CACYBP: variants seen among roughly 807,000 people sequenced by gnomAD.
CACYBP encodes the protein calcyclin-binding protein.
A neutral mutation model predicts 29.6 loss-of-function variants in CACYBP; 11 were observed. The ratio of observed to expected loss-of-function variants is 0.37; its 90% confidence interval spans 0.23 to 0.61. CACYBP has a LOEUF of 0.61. Ranked by LOEUF, CACYBP falls within the 20% of genes least tolerant of loss-of-function variation. CACYBP has a pLI of 0.65. For missense variants in CACYBP, 163 were observed against 260.7 expected, an observed-to-expected ratio of 0.63 and a Z score of 2.58; for synonymous variants, 73 against 88.3, an observed-to-expected ratio of 0.83 and a Z score of 0.97.
chr1:175,008,529 G>T, intron 4 of CACYBP, 80 bp from the exon 5 acceptor site: 1 of 769,778 alleles, frequency 1.3e-6, no homozygotes, highest in South Asian at 1.6e-5. Context: ...TTGATCAATT[G>T]AATAGATAAT....
At chr1:175,003,113 A>C (rs1204228656) in intron 1 of CACYBP, among the ~76,000 whole-genome samples, 1 of 139,394 alleles carries the variant, frequency 7.2e-6, no homozygotes, top group Non-Finnish European at 1.5e-5. Flanking sequence ...GGTTGGGCAG[A>C]GTTGATTTTT....
At chr1:175,008,110 C>G (rs1351103038) in intron 4 of CACYBP, among the ~76,000 whole-genome samples, 2 of 152,168 alleles carry the variant, frequency 1.3e-5, no homozygotes, top group African/African-American at 4.8e-5. Flanking sequence ...TTCTTTCTCA[C>G]TTTCAAATGC....
rs1462572402 is a variant in CACYBP at position 175,011,096 on chromosome 1, C to CCTGT, written c.*1020_*1023dup. On this transcript the variant is annotated 3_prime_UTR_variant, in exon 6 of 6. Transcript: ENST00000367679. Reference sequence around the variant, plus strand: ...TGCAGCTTGGGTAACAGATTGAGAACCTGTCTCATTAAAAAAAAAAAAAAA... The same window carrying CCTGT: ...TGCAGCTTGGGTAACAGATTGAGAACCTGTCTGTCTCATTAAAAAAAAAAAAAAA... The CCTGT allele has an allele frequency of 3.1e-5, 4 of 129,048 alleles. No individual in the cohort carries two copies. The highest frequency in any genetic ancestry group is 2.5e-4 in the South Asian group (1 of 3,976). 8.0% of individuals were successfully genotyped at this position (129,048 alleles called of 1,614,324 possible). A position where few individuals can be genotyped will look rare whatever the true frequency, so the allele number is the denominator to read the frequency against.
intron 2 of CACYBP, among the ~76,000 whole-genome samples, chr1:175,006,000 A>ATTC (rs1259174830): frequency 2.0e-5 from 3 of 152,148 alleles, no homozygotes; most frequent in Non-Finnish European, 4.4e-5. Flanking sequence ...GCATGTTTCT[A>ATTC]TTCTATAGGA....
intron 4 of CACYBP, among the ~76,000 whole-genome samples, chr1:175,008,334 CT>C (rs1672667139): frequency 6.6e-6 from 1 of 152,062 alleles, no homozygotes; most frequent in Non-Finnish European, 1.5e-5. Flanking sequence ...TCAGAGAGGC[CT>C]TCCTAATGAA....
At chr1:175,003,118 A>ATTT (rs11288938) in intron 1 of CACYBP, among the ~76,000 whole-genome samples, 2 of 141,950 alleles carry the variant, frequency 1.4e-5, no homozygotes, top group Non-Finnish European at 3.1e-5. Context: ...GGCAGAGTTG[A>ATTT]TTTTTTTTTT....
intron 2 of CACYBP, 63 bp downstream of exon 2, chr1:175,004,896 A>G (rs1358979558): frequency 3.9e-6 from 4 of 1,033,828 alleles, no homozygotes; most frequent in African/African-American, 1.6e-5. Context: ...TAGTGGTCTA[A>G]CAAATTCATC....
rs913898531 is a variant in CACYBP, at chr1:174,999,992, G to C, written c.-189G>C. 1.3e-6 allele frequency: 1 copy of C among 784,986 alleles called. No individual in the cohort carries two copies. Among genetic ancestry groups the C allele is most frequent in the Non-Finnish European group, 2.0e-6 (1 of 501,250 alleles). 48.6% of individuals were successfully genotyped at this position (784,986 alleles called of 1,614,324 possible). On this transcript the variant is annotated 5_prime_UTR_variant, in exon 1 of 6. Coordinates refer to ENST00000367679, the MANE Select transcript of CACYBP (RefSeq NM_014412.3). ...GGTGGGCGGTGGCGGCGGCTGCCTCGCGAAGGTTCGAGATCCGTCGCGTGC... is the reference window on the plus strand; with the variant it reads ...GGTGGGCGGTGGCGGCGGCTGCCTCCCGAAGGTTCGAGATCCGTCGCGTGC...
intron 2 of CACYBP, chr1:175,005,110 G>A (rs968467162): frequency 7.6e-6 from 3 of 394,110 alleles, no homozygotes; most frequent in Non-Finnish European, 1.4e-5. Flanking sequence ...TTTGGTGGTG[G>A]TGGTGGTGGT....
At chr1:175,006,120 T>G (rs1300965131) in intron 2 of CACYBP, among the ~76,000 whole-genome samples, 1 of 152,172 alleles carries the variant, frequency 6.6e-6, no homozygotes, top group Non-Finnish European at 1.5e-5. Flanking sequence ...TTGTGAAGTA[T>G]TTATATATAT....
intron 4 of CACYBP, among the ~76,000 whole-genome samples, 191 bp downstream of exon 4, chr1:175,007,388 A>G (rs539829736): frequency 2.0e-5 from 3 of 152,336 alleles, no homozygotes; most frequent in African/African-American, 4.8e-5. Flanking sequence ...TTGTGCTACA[A>G]TGGCAGAGTT....
Position 175,001,331 on chromosome 1 carries a change from A to C in CACYBP, c.15+1136A>C, listed in dbSNP as rs542273219. ...TTGATTTTTGTTTTGTTTGAGATAA[A>C]ATTCAAGTTTTTAACCATTTTAAAG... On this transcript the variant is annotated intron_variant, in intron 1 of 5. Transcript: ENST00000367679. Among the ~76,000 whole-genome samples the C allele has an allele frequency of 2.0e-5, 3 of 152,350 alleles. No homozygotes were observed. The South Asian group carries it at 6.2e-4, about 32-fold the overall frequency.
chr1:175,005,865 G>C (rs931612096), intron 2 of CACYBP, among the ~76,000 whole-genome samples: 20 of 152,018 alleles, frequency 1.3e-4, no homozygotes, highest in Non-Finnish European at 1.5e-5. Context: ...GACCCCACTA[G>C]GGCATTTTTT....
In CACYBP at chr1:175,004,598, T is replaced by G. The variant is rs1411492229; in HGVS notation, c.16-16T>G. On this transcript the variant is annotated splice_polypyrimidine_tract_variant and intron_variant, in intron 1 of 5. Coordinates refer to ENST00000367679, the MANE Select transcript of CACYBP (RefSeq NM_014412.3). Reference sequence around the variant, plus strand: ...CCTTATTTATCATAGCTAACTTATTTTTTGTCTTAACACAGCTACAGAAAG... The same window carrying G: ...CCTTATTTATCATAGCTAACTTATTGTTTGTCTTAACACAGCTACAGAAAG... 6.6e-7 allele frequency: 1 copy of G among 1,519,262 alleles called. No homozygotes were observed. The highest frequency in any genetic ancestry group is 1.3e-5 in the South Asian group (1 of 79,872). The allele number at this position is 1,519,262 out of a possible 1,614,324, so 94.1% of individuals were successfully genotyped here.
In CACYBP at chr1:175,006,741, C is replaced by G. The variant is rs1306700724; in HGVS notation, c.236-4C>G. 1 of 1,547,166 alleles carries G rather than the reference C, an allele frequency of 6.5e-7. No homozygotes were observed. The highest frequency in any genetic ancestry group is 1.4e-5 in the African/African-American group (1 of 73,358). On this transcript the variant is annotated splice_region_variant and splice_polypyrimidine_tract_variant and intron_variant, in intron 2 of 5. Transcript: ENST00000367679. ...TACGTCCCATCTTTTGTTGTCGTTG[C>G]CAGGATGGGATCAGTCAGATAAGTT...
intron 2 of CACYBP, chr1:175,005,155 C>T: frequency 3.0e-6 from 1 of 337,088 alleles, no homozygotes; most frequent in Non-Finnish European, 5.7e-6. Flanking sequence ...TTTCACTCTG[C>T]CAACCACCAC....
At chr1:175,008,928 G>A (rs1039456854) in intron 5 of CACYBP, 3 of 452,420 alleles carry the variant, frequency 6.6e-6, no homozygotes, top group Non-Finnish European at 1.2e-5. Flanking sequence ...ACAAATAACT[G>A]TGCCCATTCC....
Position 175,008,699 on chromosome 1 carries a change from GAA to G in CACYBP, c.527_528del (p.Lys176ArgfsTer6). The G allele has an allele frequency of 2.0e-6, 3 of 1,480,028 alleles. No individual in the cohort carries two copies. The highest frequency in any genetic ancestry group is 2.8e-6 in the Non-Finnish European group (3 of 1,057,910). 91.7% of individuals were successfully genotyped at this position (1,480,028 alleles called of 1,614,324 possible). A position where few individuals can be genotyped will look rare whatever the true frequency, so the allele number is the denominator to read the frequency against. On this transcript the variant is annotated frameshift_variant, in exon 5 of 6. Coordinates refer to ENST00000367679, the MANE Select transcript of CACYBP (RefSeq NM_014412.3). LOFTEE classifies it high-confidence loss of function. ...YLTQVEKECK[E>X]KEKPSYDTET... ...GACCCAGGTTGAAAAGGAGTGCAAA[GAA>G]AAAGAGTGAGTCTACTTCCATTTTT...
At chr1:175,004,488 C>A in intron 1 of CACYBP, 126 bp from the exon 2 acceptor site, 1 of 587,104 alleles carries the variant, frequency 1.7e-6, no homozygotes, top group Non-Finnish European at 2.9e-6. Flanking sequence ...GCAACTCAAT[C>A]CTAGAAAATT....
Sources: gnomAD v4.1 joint callset for allele counts (sites outside exome capture counted in the v4.1 genomes callset) on GRCh38, gnomAD v4.1.1 for gene constraint, MANE v1.5 for transcripts, NCBI Gene and HGNC (gene_info 2026-07-23, HGNC 2026-07-21) for gene names.